The following TMEFF1 variants were observed in gnomAD, a reference collection of about 807,000 sequenced individuals.
The protein encoded by TMEFF1 is transmembrane protein with EGF like and two follistatin like domains 1, also known as tomoregulin-1.
Under a neutral mutation model 47.5 loss-of-function variants are expected in TMEFF1, and 20 were observed. The ratio of observed to expected loss-of-function variants is 0.42; its 90% CI spans 0.30 to 0.61. The LOEUF (loss-of-function observed/expected upper bound fraction) is 0.61. TMEFF1 is among the 20% of genes least tolerant of loss of function. The probability of loss-of-function intolerance (pLI) is 0.19; values close to 1 mark genes in which losing one functional copy is unlikely to be tolerated. For synonymous variants in TMEFF1, 162 were observed against 166.3 expected, an observed-to-expected ratio of 0.97 and a Z score of 0.20; for missense variants, 411 against 471.1, an observed-to-expected ratio of 0.87 and a Z score of 1.18.
intron 5 of TMEFF1, among the ~76,000 whole-genome samples, chr9:100,531,184 G>C (rs1263467283): frequency 1.3e-5 from 2 of 152,160 alleles, no homozygotes; most frequent in Non-Finnish European, 2.9e-5. Context: ...CACAAGACAG[G>C]GATGCCCTCT....
chr9:100,513,410 TA>T (rs368923528), intron 4 of TMEFF1, 77 bp downstream of exon 4: 2 of 1,225,148 alleles, frequency 1.6e-6, no homozygotes, highest in Non-Finnish European at 2.2e-6. Context: ...TTTTTTTTTT[TA>T]AATCAGCTTT....
intron 8 of TMEFF1, among the ~76,000 whole-genome samples, chr9:100,567,465 C>G (rs1054819220): frequency 7.2e-5 from 11 of 152,190 alleles, no homozygotes; most frequent in African/African-American, 2.4e-4. Flanking sequence ...CTAACATAAC[C>G]ATTTAATTCA....
chr9:100,570,625 A>G (rs1221691482), intron 8 of TMEFF1, among the ~76,000 whole-genome samples: 3 of 150,754 alleles, frequency 2.0e-5, no homozygotes, highest in African/African-American at 2.4e-5. Flanking sequence ...ATTCTCTTCC[A>G]TGATCCACAT....
chr9:100,531,930 A>G (rs1243978045), intron 5 of TMEFF1, among the ~76,000 whole-genome samples: 3 of 150,284 alleles, frequency 2.0e-5, no homozygotes, highest in Non-Finnish European at 4.5e-5. Flanking sequence ...CCTCAGAAAT[A>G]ACGCCGCATA....
intron 8 of TMEFF1, among the ~76,000 whole-genome samples, chr9:100,562,578 A>G (rs1342445907): frequency 6.6e-6 from 1 of 151,484 alleles, no homozygotes; most frequent in East Asian, 1.9e-4. Flanking sequence ...TTTTTTGTGA[A>G]CATTTAAAAA....
At chr9:100,477,012 C>G (rs1265605470) in intron 1 of TMEFF1, among the ~76,000 whole-genome samples, 1 of 152,158 alleles carries the variant, frequency 6.6e-6, no homozygotes, top group Non-Finnish European at 1.5e-5. Flanking sequence ...AGTTTTAAAA[C>G]TAAATACAGC....
At position 100,576,603 on chromosome 9, in the gene TMEFF1, T is replaced by G; in HGVS notation, c.*3T>G. 6.2e-7 allele frequency: 1 copy of G among 1,609,240 alleles called. No individual in the cohort carries two copies. The highest frequency in any genetic ancestry group is 8.5e-7 in the Non-Finnish European group (1 of 1,178,424). ...ATACGTCATCCAGAATGGTTTAAAC[T>G]GATGACTTTTATATGTACACTGACC... On this transcript the variant is annotated 3_prime_UTR_variant, in exon 10 of 10. Coordinates refer to ENST00000374879, the MANE Select transcript of TMEFF1 (RefSeq NM_003692.5).
chr9:100,508,480 C>G (rs886738311), intron 2 of TMEFF1, among the ~76,000 whole-genome samples: 4 of 151,026 alleles, frequency 2.6e-5, no homozygotes, highest in Non-Finnish European at 4.4e-5. Flanking sequence ...GGTACATGAT[C>G]TAGCTTTGCA....
intron 1 of TMEFF1, among the ~76,000 whole-genome samples, chr9:100,494,280 C>T (rs570241789): frequency 6.7e-6 from 1 of 149,740 alleles, no homozygotes; most frequent in South Asian, 2.1e-4. Flanking sequence ...TAAATTTTAT[C>T]ATGTGGTCTC....
chr9:100,506,336 T>C lies in TMEFF1; in HGVS notation c.307-2669T>C, dbSNP rs187327827. Among the ~76,000 whole-genome samples, 15 of 152,310 alleles carry C rather than the reference T, an allele frequency of 9.8e-5. No homozygotes were observed. The East Asian group carries it at 2.1e-3, about 22-fold the overall frequency. Reference sequence around the variant, plus strand: ...TTTGTTGACATTTTATTCCAGGACTTATTTTACATGTATTCATTTTTTTCT... The same window carrying C: ...TTTGTTGACATTTTATTCCAGGACTCATTTTACATGTATTCATTTTTTTCT... On this transcript the variant is annotated intron_variant, in intron 2 of 9. Coordinates refer to ENST00000374879, the MANE Select transcript of TMEFF1 (RefSeq NM_003692.5).
intron 7 of TMEFF1, among the ~76,000 whole-genome samples, chr9:100,558,362 G>A (rs1020370425): frequency 1.3e-5 from 2 of 151,976 alleles, no homozygotes; most frequent in African/African-American, 4.8e-5. Context: ...ACCATGTTCT[G>A]AGAAATGCTA....
intron 5 of TMEFF1, among the ~76,000 whole-genome samples, chr9:100,530,334 G>A (rs1311457738): frequency 3.9e-5 from 6 of 151,954 alleles, no homozygotes; most frequent in Non-Finnish European, 7.4e-5. Context: ...TTGATAGACT[G>A]CTAGCAAGAC....
chr9:100,545,890 G>A (rs561853142), intron 5 of TMEFF1, among the ~76,000 whole-genome samples: 1 of 152,292 alleles, frequency 6.6e-6, no homozygotes, highest in South Asian at 2.1e-4. Flanking sequence ...AACATAACAA[G>A]AGTCACTTTG....
rs149595433 is a variant in TMEFF1 at position 100,563,599 on chromosome 9, T to C, written c.899+2079T>C. Among the ~76,000 whole-genome samples the C allele has an allele frequency of 1.3e-5, 2 of 152,370 alleles. 1 individual carries two copies. Among genetic ancestry groups the C allele is most frequent in the East Asian group, 3.9e-4 (2 of 5,186 alleles). On this transcript the variant is annotated intron_variant, in intron 8 of 9. Transcript: ENST00000374879. ...CTGAAAGTAGAATAGTAATAGTACC[T>C]ATCTCATGTTGTTAAAATTAAGTGA... is the stretch of plus-strand genomic sequence containing the variant.
At chr9:100,555,194 C>CACACAT (rs1491167112) in intron 7 of TMEFF1, among the ~76,000 whole-genome samples, 40 of 151,616 alleles carry the variant, frequency 2.6e-4, no homozygotes, top group Non-Finnish European at 3.2e-4. Flanking sequence ...CACACACACA[C>CACACAT]GCACACACAT....
chr9:100,486,427 A>C (rs980405077), intron 1 of TMEFF1, among the ~76,000 whole-genome samples: 1 of 151,616 alleles, frequency 6.6e-6, no homozygotes, highest in Non-Finnish European at 1.5e-5. Context: ...TTTTTAGTAA[A>C]GATGGGGTTT....
chr9:100,532,299 C>T (rs1460556668), intron 5 of TMEFF1, among the ~76,000 whole-genome samples: 2 of 152,142 alleles, frequency 1.3e-5, no homozygotes, highest in Non-Finnish European at 2.9e-5. Flanking sequence ...TCAGAGTGAA[C>T]AGGCAACCTA....
intron 3 of TMEFF1, among the ~76,000 whole-genome samples, chr9:100,512,213 T>G (rs1180701549): frequency 6.6e-6 from 1 of 152,180 alleles, no homozygotes; most frequent in East Asian, 1.9e-4. Flanking sequence ...CTCTTTCATT[T>G]CCTCCTTATT....
chr9:100,527,939 C>G lies in TMEFF1; in HGVS notation c.560+11168C>G, dbSNP rs545001579. 6.6e-5 allele frequency among the ~76,000 whole-genome samples: 10 copies of G among 152,292 alleles called. No individual in the cohort carries two copies. The South Asian group carries it at 2.1e-3, about 32-fold the overall frequency. On this transcript the variant is annotated intron_variant, in intron 5 of 9. Transcript: ENST00000374879. ...CTCAAGTGGCTCCCTGACACCTGAC[C>G]CCCGAGCAGCCTAACTGGGAGGTAC...
Sources: allele counts gnomAD v4.1 joint callset (sites outside exome capture counted in the v4.1 genomes callset), GRCh38; gene constraint gnomAD v4.1.1; transcripts MANE v1.5; gene names NCBI Gene and HGNC (gene_info 2026-07-23, HGNC 2026-07-21).